UPP2: variants seen among roughly 807,000 people sequenced by gnomAD.
UPP2 encodes UPase 2.
A neutral mutation model predicts 26.7 loss-of-function variants in UPP2; 23 were observed. The ratio of observed to expected loss-of-function variants is 0.86; its 90% CI spans 0.62 to 1.22. The LOEUF is 1.22. UPP2 is among the 50% of genes most tolerant of loss of function. The pLI is 0.00. For synonymous variants in UPP2, 127 were observed against 141.3 expected (o/e 0.90, Z 0.72); for missense variants, 387 against 396.7 (o/e 0.98, Z 0.21).
intron 3 of UPP2, among the ~76,000 whole-genome samples, chr2:158,093,565 C>T (rs558027768): frequency 1.1e-4 from 17 of 151,974 alleles, no homozygotes; most frequent in East Asian, 1.9e-4. Context: ...AAAGAAAATA[C>T]GGGCAAAGAA....
chr2:158,036,017 C>T (rs1230748702), intron 3 of UPP2, among the ~76,000 whole-genome samples: 2 of 152,202 alleles, frequency 1.3e-5, no homozygotes, highest in Non-Finnish European at 2.9e-5. Context: ...ACTCCTCTGA[C>T]ATGTAAGTCT....
At chr2:158,002,562 A>G (rs900134788) in intron 2 of UPP2, among the ~76,000 whole-genome samples, 1 of 152,222 alleles carries the variant, frequency 6.6e-6, no homozygotes, top group Admixed American at 6.5e-5. Context: ...GCCATTTGAG[A>G]CAGGTAGGTG....
chr2:158,047,719 G>A (rs1363285544), intron 3 of UPP2, among the ~76,000 whole-genome samples: 1 of 152,196 alleles, frequency 6.6e-6, no homozygotes, highest in Admixed American at 6.5e-5. Context: ...AGTTACAGTT[G>A]CAGATAGAAG....
rs891781287 is a variant in UPP2, at chr2:158,000,033, T to C, written c.61+4774T>C. Among the ~76,000 whole-genome samples the C allele has an allele frequency of 2.6e-5, 4 of 151,962 alleles. No individual in the cohort carries two copies. The South Asian group carries it at 6.2e-4, about 24-fold the overall frequency. On this transcript the variant is annotated intron_variant, in intron 2 of 9. Transcript: ENST00000605860. ...ATTAATGTAAGAATGGTAGAAAAGA[T>C]AATATGTTTTTCTCTTCATTTTGTG...
At chr2:158,085,937 C>T (rs770125225) in intron 3 of UPP2, among the ~76,000 whole-genome samples, 10 of 151,716 alleles carry the variant, frequency 6.6e-5, no homozygotes, top group South Asian at 6.2e-4. Flanking sequence ...TATCTTTGTA[C>T]GTTCATCAGG....
intron 1 of UPP2, among the ~76,000 whole-genome samples, chr2:158,103,204 T>G (rs926688000): frequency 6.6e-6 from 1 of 152,340 alleles, no homozygotes; most frequent in African/African-American, 2.4e-5. Context: ...TGCTTCTGGA[T>G]GAGCCCAATG....
At chr2:158,032,245 T>C (rs1379496574) in intron 3 of UPP2, among the ~76,000 whole-genome samples, 1 of 152,122 alleles carries the variant, frequency 6.6e-6, no homozygotes, top group African/African-American at 2.4e-5. Context: ...CTATTCAATA[T>C]TGGAGTGGGT....
At chr2:158,013,469 T>C (rs972930520) in intron 2 of UPP2, among the ~76,000 whole-genome samples, 2 of 152,210 alleles carry the variant, frequency 1.3e-5, no homozygotes, top group Non-Finnish European at 2.9e-5. Flanking sequence ...TATTTAATTC[T>C]AGATGTGGAA....
At chr2:158,060,031 A>T (rs1230363142) in intron 3 of UPP2, among the ~76,000 whole-genome samples, 1 of 152,192 alleles carries the variant, frequency 6.6e-6, no homozygotes, top group Non-Finnish European at 1.5e-5. Context: ...AACACATATT[A>T]TGAATACATT....
intron 2 of UPP2, 97 bp downstream of exon 2, chr2:158,106,313 C>A (rs1166584958): frequency 1.0e-6 from 1 of 1,004,790 alleles, no homozygotes; most frequent in Non-Finnish European, 1.5e-6. Context: ...TTGGCTAGCA[C>A]AGTCCCAATA....
chr2:158,015,443 T>C (rs1364527927), intron 2 of UPP2, among the ~76,000 whole-genome samples: 1 of 152,226 alleles, frequency 6.6e-6, no homozygotes, highest in Non-Finnish European at 1.5e-5. Context: ...TGAATAATAA[T>C]CCACTGTATG....
At chr2:158,042,261 C>T (rs1040952449) in intron 3 of UPP2, among the ~76,000 whole-genome samples, 2 of 152,158 alleles carry the variant, frequency 1.3e-5, no homozygotes, top group African/African-American at 4.8e-5. Flanking sequence ...TTTCAATCCT[C>T]TGCAGGCCAG....
In UPP2 at chr2:158,080,338, A is replaced by G. The variant is rs1293064011; in HGVS notation, c.148-21702A>G. Among the ~76,000 whole-genome samples the G allele has an allele frequency of 7.2e-5, 11 of 152,104 alleles. No homozygotes were observed. The East Asian group carries it at 1.9e-3, about 27-fold the overall frequency. ...TATGAGCTTGCTGGCCCAATGATAC[A>G]TGGGTCCATTTGGCTTTAAAACAAT... On this transcript the variant is annotated intron_variant, in intron 3 of 9. Coordinates refer to the UPP2 transcript ENST00000605860.
At position 158,106,298 on chromosome 2, in the gene UPP2, C is replaced by T. The variant is rs574609083; in HGVS notation, c.180+82C>T. On this transcript the variant is annotated intron_variant, in intron 2 of 6. Transcript: ENST00000005756. The stretch of plus-strand genomic sequence containing the variant: ...TCTTACCTTGCCAAAATAATCTATA[C>T]ACCTTTGGCTAGCACAGTCCCAATA... 161 of 1,218,104 alleles carry T rather than the reference C, an allele frequency of 1.3e-4. 5 individuals are homozygous for T. The South Asian group carries it at 1.9e-3, about 15-fold the overall frequency. The allele number at this position is 1,218,104 out of a possible 1,614,324, so 75.5% of individuals were successfully genotyped here.
chr2:158,017,408 T>A (rs1367513969), intron 3 of UPP2, among the ~76,000 whole-genome samples: 4 of 151,630 alleles, frequency 2.6e-5, no homozygotes, highest in Non-Finnish European at 5.9e-5. Flanking sequence ...TACTTATATC[T>A]CTCCTGGAAG....
At chr2:158,081,703 A>G (rs1190453220) in intron 3 of UPP2, among the ~76,000 whole-genome samples, 1 of 152,122 alleles carries the variant, frequency 6.6e-6, no homozygotes, top group African/African-American at 2.4e-5. Context: ...TAAGCCAGAC[A>G]CAGAAAGATA....
chr2:158,121,234 G>A (rs917380014), intron 4 of UPP2, among the ~76,000 whole-genome samples, 175 bp from the exon 5 acceptor site: 16 of 151,960 alleles, frequency 1.1e-4, no homozygotes, highest in Non-Finnish European at 1.9e-4. Flanking sequence ...GACAACAAAT[G>A]TAAATGCCTC....
At chr2:157,996,652 C>A (rs1574236895) in intron 2 of UPP2, among the ~76,000 whole-genome samples, 1 of 152,164 alleles carries the variant, frequency 6.6e-6, no homozygotes, top group South Asian at 2.1e-4. Flanking sequence ...TGAAAACCAA[C>A]CTTTTGAGTA....
At chr2:158,102,549 T>A (rs1193423278) in intron 1 of UPP2, among the ~76,000 whole-genome samples, 1 of 152,046 alleles carries the variant, frequency 6.6e-6, no homozygotes, top group African/African-American at 2.4e-5. Context: ...GTGGAGTGAT[T>A]TCATATGCTT....
Sources: gnomAD v4.1 joint callset for allele counts (sites outside exome capture counted in the v4.1 genomes callset) on GRCh38, gnomAD v4.1.1 for gene constraint, MANE v1.5 for transcripts, NCBI Gene and HGNC (gene_info 2026-07-23, HGNC 2026-07-21) for gene names.